The following TSPAN5 variants were observed in gnomAD, a reference collection of about 807,000 sequenced individuals.
The protein encoded by TSPAN5 is tetraspanin-5.
In TSPAN5, 10 loss-of-function variants were observed where a neutral mutation model predicts 37.1. That is an observed-to-expected ratio of 0.27 (90% CI 0.17 to 0.46). The LOEUF is 0.46. TSPAN5 is among the 20% of genes least tolerant of loss of function. The pLI is 1.00. For missense variants in TSPAN5, 195 were observed against 326.6 expected, an observed-to-expected ratio of 0.60 and a Z score of 3.11; for synonymous variants, 110 against 118.9, an observed-to-expected ratio of 0.93 and a Z score of 0.48.
At chr4:98,601,735 A>C (rs1755886874) in intron 1 of TSPAN5, among the ~76,000 whole-genome samples, 1 of 152,138 alleles carries the variant, frequency 6.6e-6, no homozygotes, top group African/African-American at 2.4e-5. Context: ...TCCTTCAATA[A>C]CTTTTCCTTT....
chr4:98,650,823 C>G (rs1372481811), intron 1 of TSPAN5, among the ~76,000 whole-genome samples: 1 of 152,104 alleles, frequency 6.6e-6, no homozygotes, highest in African/African-American at 2.4e-5. Context: ...TGCCAGAGAG[C>G]AAGATGGTGC....
intron 1 of TSPAN5, among the ~76,000 whole-genome samples, chr4:98,624,883 A>C (rs1409677050): frequency 6.6e-6 from 1 of 151,630 alleles, no homozygotes. Flanking sequence ...ATAAATACAC[A>C]AGACTAACGC....
intron 1 of TSPAN5, among the ~76,000 whole-genome samples, chr4:98,601,862 T>C (rs1005840513): frequency 6.6e-6 from 1 of 152,200 alleles, no homozygotes; most frequent in African/African-American, 2.4e-5. Context: ...GAGAGACATG[T>C]GACTCTTCCT....
chr4:98,519,405 G>A lies in TSPAN5; in HGVS notation c.82-11677C>T, dbSNP rs552001414. Among the ~76,000 whole-genome samples the A allele has an allele frequency of 3.4e-4, 52 of 152,244 alleles. 1 individual carries two copies. Among genetic ancestry groups the A allele is most frequent in the Middle Eastern group, 3.4e-3 (1 of 294 alleles). On this transcript the variant is annotated intron_variant, in intron 1 of 7. Coordinates refer to ENST00000305798, the MANE Select transcript of TSPAN5 (RefSeq NM_005723.4). ...TCACAGCTACTTGGGAGGCTGAGTGGGAGGATCGCTTGAGCCCAGGAGTTC... is the reference window on the plus strand; with the variant it reads ...TCACAGCTACTTGGGAGGCTGAGTGAGAGGATCGCTTGAGCCCAGGAGTTC...
chr4:98,496,421 C>T (rs1753214489), intron 2 of TSPAN5: 1 of 152,210 alleles, frequency 6.6e-6, no homozygotes, highest in South Asian at 2.1e-4. Flanking sequence ...CAAAGAGATA[C>T]AAGGATAAAA....
intron 1 of TSPAN5, among the ~76,000 whole-genome samples, chr4:98,643,806 C>T (rs1049353242): frequency 6.6e-6 from 1 of 152,184 alleles, no homozygotes; most frequent in African/African-American, 2.4e-5. Context: ...GCCAAAAGAA[C>T]TTGGTACCAA....
chr4:98,631,419 G>A (rs1366461530), intron 1 of TSPAN5, among the ~76,000 whole-genome samples: 1 of 152,090 alleles, frequency 6.6e-6, no homozygotes, highest in Non-Finnish European at 1.5e-5. Flanking sequence ...CTCCGGGTGG[G>A]TGCACCTGTA....
intron 1 of TSPAN5, among the ~76,000 whole-genome samples, chr4:98,643,727 T>C (rs1226506545): frequency 6.6e-6 from 1 of 152,198 alleles, no homozygotes; most frequent in African/African-American, 2.4e-5. Flanking sequence ...AATATGAAAA[T>C]GCCACATATA....
chr4:98,533,940 A>AAAAAAAAAAAAAAAC lies in TSPAN5; in HGVS notation c.82-26213_82-26212insGTTTTTTTTTTTTTT, dbSNP rs1491112873. 1.3e-3 allele frequency among the ~76,000 whole-genome samples: 81 copies of AAAAAAAAAAAAAAAC among 61,966 alleles called. 4 individuals are homozygous for AAAAAAAAAAAAAAAC. Among genetic ancestry groups the AAAAAAAAAAAAAAAC allele is most frequent in the African/African-American group, 7.6e-3 (75 of 9,860 alleles). 40.7% of individuals were successfully genotyped at this position (61,966 alleles called of 152,430 possible). A position where few individuals can be genotyped will look rare whatever the true frequency, so the allele number is the denominator to read the frequency against. ...GTGGTCTATCCATTTTGTTGATCTT[A>AAAAAAAAAAAAAAAC]AAAAAAAAAAAAAAAAAAAAAACCA... On this transcript the variant is annotated intron_variant, in intron 1 of 7. Transcript: ENST00000305798.
chr4:98,534,045 T>C (rs1754175274), intron 1 of TSPAN5, among the ~76,000 whole-genome samples: 2 of 151,606 alleles, frequency 1.3e-5, no homozygotes, highest in Admixed American at 1.3e-4. Context: ...TAGTTATTTC[T>C]TGTCTTCTGC....
At chr4:98,485,149 T>A (rs1269232856) in intron 3 of TSPAN5, 1 of 153,290 alleles carries the variant, frequency 6.5e-6, no homozygotes, top group Non-Finnish European at 1.4e-5. Flanking sequence ...TTTTGGGGCA[T>A]GGAGGCCGAA....
chr4:98,569,444 C>T (rs938935406), intron 1 of TSPAN5, among the ~76,000 whole-genome samples: 9 of 152,218 alleles, frequency 5.9e-5, no homozygotes, highest in Non-Finnish European at 1.2e-4. Flanking sequence ...GGAAAACCCA[C>T]TCTGACCATC....
At chr4:98,642,574 G>A (rs1435823907) in intron 1 of TSPAN5, among the ~76,000 whole-genome samples, 3 of 151,910 alleles carry the variant, frequency 2.0e-5, no homozygotes, top group East Asian at 1.9e-4. Context: ...GAGGTGATAC[G>A]GTCATTTAGG....
intron 1 of TSPAN5, among the ~76,000 whole-genome samples, chr4:98,539,205 C>A (rs1197381761): frequency 6.6e-6 from 1 of 151,296 alleles, no homozygotes; most frequent in Non-Finnish European, 1.5e-5. Context: ...TTGAAGTAGT[C>A]AAATCTTTTT....
chr4:98,635,130 AT>A (rs2110269243), intron 1 of TSPAN5, among the ~76,000 whole-genome samples: 1 of 152,338 alleles, frequency 6.6e-6, no homozygotes, highest in Non-Finnish European at 1.5e-5. Context: ...AAGGGAAAAA[AT>A]ATTAGTTGAC....
At chr4:98,625,617 T>C (rs1337364393) in intron 1 of TSPAN5, among the ~76,000 whole-genome samples, 6 of 152,224 alleles carry the variant, frequency 3.9e-5, no homozygotes, top group African/African-American at 1.2e-4. Flanking sequence ...TCAAGCCAGA[T>C]CTGGTCCACT....
At chr4:98,519,637 T>C (rs568526135) in intron 1 of TSPAN5, among the ~76,000 whole-genome samples, 12 of 152,334 alleles carry the variant, frequency 7.9e-5, no homozygotes, top group African/African-American at 2.4e-4. Flanking sequence ...AGGCTTTTGG[T>C]GTCATTTACA....
At chr4:98,589,966 G>A (rs1755587084) in intron 1 of TSPAN5, among the ~76,000 whole-genome samples, 1 of 152,040 alleles carries the variant, frequency 6.6e-6, no homozygotes, top group Non-Finnish European at 1.5e-5. Context: ...TCTCTCCTGT[G>A]CTGTAATTAC....
intron 1 of TSPAN5, among the ~76,000 whole-genome samples, chr4:98,543,419 ATT>A (rs55834948): frequency 6.8e-6 from 1 of 147,742 alleles, no homozygotes; most frequent in Non-Finnish European, 1.5e-5. Context: ...CTACTTTAGA[ATT>A]TTTTTTTTTT....
Sources: allele counts gnomAD v4.1 joint callset (sites outside exome capture counted in the v4.1 genomes callset), GRCh38; gene constraint gnomAD v4.1.1; transcripts MANE v1.5; gene names NCBI Gene and HGNC (gene_info 2026-07-23, HGNC 2026-07-21).